The following POGZ variants were observed in gnomAD, a reference collection of about 807,000 sequenced individuals.
POGZ encodes the protein pogo transposable element with ZNF domain.
POGZ carries 17 observed loss-of-function variants against 134.6 expected under a neutral mutation model. That is an observed-to-expected ratio of 0.13 (90% CI 0.09 to 0.19). POGZ has a LOEUF of 0.19. Among genes scored for constraint, POGZ ranks in the 10% least tolerant of loss-of-function variants. POGZ has a pLI of 1.00. For synonymous variants in POGZ, 693 were observed against 657.1 expected (o/e 1.05, Z -0.84); for missense variants, 1,306 against 1,769.7 (o/e 0.74, Z 4.70).
Position 151,422,630 on chromosome 1 carries a change from T to C in POGZ, c.1678+767A>G, listed in dbSNP as rs570420985. Among the ~76,000 whole-genome samples, 9 of 152,250 alleles carry C rather than the reference T, an allele frequency of 5.9e-5. No individual in the cohort carries two copies. The East Asian group carries it at 1.7e-3, about 29-fold the overall frequency. On this transcript the variant is annotated intron_variant, in intron 10 of 18. Coordinates refer to ENST00000271715, the MANE Select transcript of POGZ (RefSeq NM_015100.4). ...TTTGGAGATGGAGTTTTGCTCTTGT[T>C]GCCCAGACTGGAGTGCAATGGCATG...
At position 151,404,251 on chromosome 1, in the gene POGZ, A is replaced by G; in HGVS notation, c.*551T>C. 1 of 984,096 alleles carries G rather than the reference A, an allele frequency of 1.0e-6. No individual in the cohort carries two copies. The highest frequency in any genetic ancestry group is 5.2e-4 in the Middle Eastern group (1 of 1,910). 61.0% of individuals were successfully genotyped at this position (984,096 alleles called of 1,614,324 possible). ...TTTTCATTTTTATATAAAAGTGTTA[A>G]GACCACAATGAAAAAAGTTTTTTAT... On this transcript the variant is annotated 3_prime_UTR_variant, in exon 19 of 19. Coordinates refer to ENST00000271715, the MANE Select transcript of POGZ (RefSeq NM_015100.4).
At chr1:151,414,677 G>A (rs1655306432) in intron 10 of POGZ, among the ~76,000 whole-genome samples, 1 of 152,176 alleles carries the variant, frequency 6.6e-6, no homozygotes, top group African/African-American at 2.4e-5. Flanking sequence ...AGCTACTTGG[G>A]AGGCTGAGGC....
Position 151,405,063 on chromosome 1 carries a change from C to T in POGZ, c.3972G>A (p.Leu1324=). 1 of 1,614,186 alleles carries T rather than the reference C, an allele frequency of 6.2e-7. No individual in the cohort carries two copies. Among genetic ancestry groups the T allele is most frequent in the South Asian group, 1.1e-5 (1 of 91,084 alleles). The part of the protein sequence containing the change: ...DCPELVQRSF[L]VASVLPGPDG... ...CGGGGCCAGGCAGAACACTAGCCAC[C>T]AGGAAGGAGCGCTGAACTAGCTCTG... Residue 1324 remains leucine (L), a synonymous_variant, in exon 19 of 19, where the codon CTG becomes CTA. Coordinates refer to ENST00000271715, the MANE Select transcript of POGZ (RefSeq NM_015100.4). The surrounding 1 kb of genome is among the most constrained non-coding windows in gnomAD (Gnocchi z 4.9).
At chr1:151,418,306 TG>T (rs1286528461) in intron 10 of POGZ, among the ~76,000 whole-genome samples, 2 of 151,922 alleles carry the variant, frequency 1.3e-5, no homozygotes, top group Non-Finnish European at 2.9e-5. Flanking sequence ...TGGTTAGAAC[TG>T]GAAGTCCCTA....
At chr1:151,453,474 T>C (rs1312563132) in intron 1 of POGZ, among the ~76,000 whole-genome samples, 3 of 150,588 alleles carry the variant, frequency 2.0e-5, no homozygotes, top group Non-Finnish European at 2.9e-5. Context: ...TCACTTAATA[T>C]ACATTTCTTA....
chr1:151,404,501 C>T lies in POGZ; in HGVS notation c.*301G>A. ...TTTTTTTTCTTTTTCTTAATTTTGT[C>T]AGAAAAATACCAAACACAGTGATTT... is the stretch of plus-strand genomic sequence containing the variant. On this transcript the variant is annotated 3_prime_UTR_variant, in exon 19 of 19. Transcript: ENST00000271715. 9.5e-7 allele frequency: 1 copy of T among 1,056,312 alleles called. No individual in the cohort carries two copies. The highest frequency in any genetic ancestry group is 1.1e-6 in the Non-Finnish European group (1 of 876,080). The allele number at this position is 1,056,312 out of a possible 1,614,324, so 65.4% of individuals were successfully genotyped here.
chr1:151,440,159 G>A (rs1160898388), intron 3 of POGZ, among the ~76,000 whole-genome samples: 2 of 150,458 alleles, frequency 1.3e-5, no homozygotes, highest in Non-Finnish European at 3.0e-5. Flanking sequence ...TCAGGTGGTG[G>A]GATTATGGTT....
At chr1:151,425,598 A>G (rs1307853439) in intron 7 of POGZ, among the ~76,000 whole-genome samples, 1 of 152,178 alleles carries the variant, frequency 6.6e-6, no homozygotes, top group Non-Finnish European at 1.5e-5. Flanking sequence ...AAGTGGAATC[A>G]TATGGTACTT....
rs768069833 is a variant in POGZ, at chr1:151,411,587, A to C, written c.1926+38T>G. 8 of 1,501,430 alleles carry C rather than the reference A, an allele frequency of 5.3e-6. No individual in the cohort carries two copies. In the African/African-American group the frequency reaches 8.5e-5, roughly 16 times the overall value. 93.0% of individuals were successfully genotyped at this position (1,501,430 alleles called of 1,614,324 possible). A position where few individuals can be genotyped will look rare whatever the true frequency, so the allele number is the denominator to read the frequency against. On this transcript the variant is annotated intron_variant, in intron 12 of 18. Coordinates refer to ENST00000271715, the MANE Select transcript of POGZ (RefSeq NM_015100.4). Reference sequence around the variant, plus strand: ...CCAGCATCCATGTTTAAAAAAAAAAAAAACAAGAGAATATGGGAATTGCTT... The same window carrying C: ...CCAGCATCCATGTTTAAAAAAAAAACAAACAAGAGAATATGGGAATTGCTT...
chr1:151,447,112 G>A (rs529647727), intron 1 of POGZ, among the ~76,000 whole-genome samples: 29 of 152,144 alleles, frequency 1.9e-4, no homozygotes, highest in Non-Finnish European at 3.4e-4. Flanking sequence ...ATGGCTGGGC[G>A]CGGTGGCTCA....
At chr1:151,448,734 G>A (rs1021603504) in intron 1 of POGZ, among the ~76,000 whole-genome samples, 1 of 151,920 alleles carries the variant, frequency 6.6e-6, no homozygotes, top group African/African-American at 2.4e-5. Flanking sequence ...TTGGTGGCAT[G>A]CACATCTGTA....
chr1:151,444,790 T>C (rs1661034601), intron 1 of POGZ, among the ~76,000 whole-genome samples: 1 of 152,180 alleles, frequency 6.6e-6, no homozygotes, highest in Non-Finnish European at 1.5e-5. Flanking sequence ...ATTTCTTCCA[T>C]TTGACCTTCT....
intron 1 of POGZ, among the ~76,000 whole-genome samples, chr1:151,449,878 C>T (rs1326500148): frequency 6.6e-6 from 1 of 152,166 alleles, no homozygotes; most frequent in Admixed American, 6.5e-5. Flanking sequence ...CAGTGCGAGA[C>T]TCCGTCTCAA....
intron 7 of POGZ, chr1:151,426,688 A>AT (rs1267730825): frequency 2.0e-5 from 3 of 152,040 alleles, no homozygotes; most frequent in South Asian, 4.1e-4. Flanking sequence ...TAATTTACTC[A>AT]TTTTTTCTTT....
At chr1:151,426,909 T>C (rs187516304) in intron 7 of POGZ, 1 of 152,236 alleles carries the variant, frequency 6.6e-6, no homozygotes, top group African/African-American at 2.4e-5. Flanking sequence ...AACACCATGT[T>C]TTAAAGGTTT....
chr1:151,458,855 G>A (rs1317366615), intron 1 of POGZ, among the ~76,000 whole-genome samples: 1 of 145,268 alleles, frequency 6.9e-6, no homozygotes, highest in Non-Finnish European at 1.5e-5. Context: ...GGGGGCGGCC[G>A]GCCAGCCGGC....
chr1:151,438,882 G>GAAA, intron 3 of POGZ: 1 of 140,574 alleles, frequency 7.1e-6, no homozygotes, highest in Non-Finnish European at 1.6e-5. Context: ...GTCTCAGGGA[G>GAAA]AAAAAAAAAA....
intron 4 of POGZ, 49 bp from the exon 5 acceptor site, chr1:151,429,760 G>A (rs1658390336): frequency 1.9e-6 from 2 of 1,049,632 alleles, no homozygotes; most frequent in Admixed American, 1.8e-5. Flanking sequence ...AATTAACACT[G>A]ACAAAGATTG....
chr1:151,442,563 T>A (rs1342245309), intron 1 of POGZ: 1 of 161,216 alleles, frequency 6.2e-6, no homozygotes, highest in Non-Finnish European at 1.3e-5. Context: ...ATACAAAAAT[T>A]AGCCAGGCGT....
Sources: gnomAD v4.1 joint callset for allele counts (sites outside exome capture counted in the v4.1 genomes callset) on GRCh38, gnomAD v4.1.1 for gene constraint, Gnocchi (gnomAD v3.1) non-coding constraint, MANE v1.5 for transcripts, NCBI Gene and HGNC (gene_info 2026-07-23, HGNC 2026-07-21) for gene names.